The following EPHA6 variants were observed in gnomAD, a reference collection of about 807,000 sequenced individuals.
The protein encoded by EPHA6 is EPH receptor A6, also known as ephrin type-A receptor 6.
In EPHA6, 50 loss-of-function variants were observed where a neutral mutation model predicts 112.0. The ratio of observed to expected loss-of-function variants is 0.45; its 90% CI spans 0.36 to 0.56. EPHA6 has a LOEUF of 0.56. Ranked by LOEUF, EPHA6 falls within the 20% of genes least tolerant of loss-of-function variation. The pLI, the probability that EPHA6 is intolerant of heterozygous loss-of-function variation, is 0.00. For synonymous variants in EPHA6, 529 were observed against 490.7 expected (o/e 1.08, Z -1.03); for missense variants, 1,280 against 1,417.4 (o/e 0.90, Z 1.56).
At chr3:97,270,673 A>T (rs191693250) in intron 5 of EPHA6, among the ~76,000 whole-genome samples, 3 of 152,374 alleles carry the variant, frequency 2.0e-5, no homozygotes, top group Admixed American at 2.0e-4. Flanking sequence ...AAGTGCATCA[A>T]GACTGACTGC....
chr3:97,519,165 C>CT (rs2092496534), intron 10 of EPHA6, among the ~76,000 whole-genome samples: 1 of 152,012 alleles, frequency 6.6e-6, no homozygotes, highest in Non-Finnish European at 1.5e-5. Context: ...CTAGAGTTGA[C>CT]TTTTGTATAT....
rs186740912 is a variant in EPHA6, at chr3:97,548,517, C to A, written c.2386+15974C>A. 3.3e-3 allele frequency among the ~76,000 whole-genome samples: 495 copies of A among 152,114 alleles called. 2 individuals carry two copies. Among genetic ancestry groups the A allele is most frequent in the African/African-American group, 0.011 (461 of 41,492 alleles). ...AATTTTATCATCCATCCATAATTTT[C>A]TTTTGTATTTGAATGTTGATTTTCC... On this transcript the variant is annotated intron_variant, in intron 11 of 17. Transcript: ENST00000389672.
At chr3:96,912,545 A>G (rs1309921238) in intron 2 of EPHA6, among the ~76,000 whole-genome samples, 2 of 152,116 alleles carry the variant, frequency 1.3e-5, no homozygotes, top group African/African-American at 4.8e-5. Context: ...GACCTAAAGG[A>G]AAGGTAGGAT....
At chr3:96,931,162 C>T (rs909229796) in intron 2 of EPHA6, among the ~76,000 whole-genome samples, 19 of 152,100 alleles carry the variant, frequency 1.2e-4, no homozygotes, top group African/African-American at 4.6e-4. Context: ...GCCTGCCCCA[C>T]CTCCCAGCCA....
At chr3:97,232,701 G>T (rs149222509) in intron 4 of EPHA6, among the ~76,000 whole-genome samples, 114 of 152,296 alleles carry the variant, frequency 7.5e-4, no homozygotes, top group African/African-American at 2.6e-3. Flanking sequence ...AGGAACAAAA[G>T]AAAGTACACT....
intron 14 of EPHA6, among the ~76,000 whole-genome samples, chr3:97,650,284 G>C (rs1321792939): frequency 1.3e-5 from 2 of 151,984 alleles, no homozygotes; most frequent in African/African-American, 2.4e-5. Flanking sequence ...GTTTCAGAAG[G>C]GCATGAAACT....
At chr3:97,577,962 T>C (rs1412159173) in intron 11 of EPHA6, among the ~76,000 whole-genome samples, 1 of 151,908 alleles carries the variant, frequency 6.6e-6, no homozygotes, top group African/African-American at 2.4e-5. Flanking sequence ...GGCATCTGGG[T>C]TGGTGGATAG....
intron 1 of EPHA6, among the ~76,000 whole-genome samples, chr3:96,840,682 C>T (rs16836344): frequency 0.01 from 1,580 of 152,168 alleles, 26 homozygotes; most frequent in African/African-American, 0.036. Flanking sequence ...GGCAAGAACA[C>T]TGCCAATTCA....
intron 10 of EPHA6, among the ~76,000 whole-genome samples, chr3:97,523,600 A>G (rs746117879): frequency 2.0e-5 from 3 of 152,000 alleles, no homozygotes; most frequent in Admixed American, 6.6e-5. Flanking sequence ...TGAATGAACT[A>G]TCCATCGTTG....
chr3:97,637,442 C>T lies in EPHA6; in HGVS notation c.2575-431C>T, dbSNP rs143490661. 7.8e-4 allele frequency among the ~76,000 whole-genome samples: 118 copies of T among 152,126 alleles called. 1 individual carries two copies. The highest frequency in any genetic ancestry group is 2.5e-3 in the African/African-American group (103 of 41,494). On this transcript the variant is annotated intron_variant, in intron 13 of 17. Coordinates refer to ENST00000389672, the MANE Select transcript of EPHA6 (RefSeq NM_001080448.3). ...TTTCACAGTATCTCCAGTTATCACA[C>T]GGGTTTTATCCAGTCCTAGGTTTTG...
At chr3:97,625,921 C>G (rs925316206) in intron 13 of EPHA6, among the ~76,000 whole-genome samples, 25 of 151,580 alleles carry the variant, frequency 1.6e-4, no homozygotes, top group African/African-American at 5.6e-4. Context: ...TGTTGGGAAT[C>G]TAGATAGCTT....
intron 3 of EPHA6, among the ~76,000 whole-genome samples, chr3:97,026,612 C>G (rs976305423): frequency 4.0e-5 from 6 of 151,380 alleles, no homozygotes; most frequent in Non-Finnish European, 8.8e-5. Context: ...AAGACAACCC[C>G]ATAAAAAATT....
At chr3:97,110,085 T>G (rs758677801) in intron 3 of EPHA6, among the ~76,000 whole-genome samples, 1 of 152,166 alleles carries the variant, frequency 6.6e-6, no homozygotes, top group Non-Finnish European at 1.5e-5. Flanking sequence ...AAATTAACTT[T>G]TCAAAAAAAT....
chr3:97,215,610 CAAAAAAAA>C (rs11340632), intron 3 of EPHA6, among the ~76,000 whole-genome samples: 1 of 122,136 alleles, frequency 8.2e-6, no homozygotes, highest in Non-Finnish European at 1.9e-5. Context: ...AACTTTGTCT[CAAAAAAAA>C]AAAAAAATAG....
chr3:97,431,095 C>T (rs2089473146), intron 6 of EPHA6, among the ~76,000 whole-genome samples: 1 of 151,856 alleles, frequency 6.6e-6, no homozygotes, highest in Non-Finnish European at 1.5e-5. Flanking sequence ...AGTTGGTTTT[C>T]AATAATGGTT....
chr3:97,602,249 T>C (rs886692522), intron 12 of EPHA6, among the ~76,000 whole-genome samples: 2 of 152,000 alleles, frequency 1.3e-5, no homozygotes. Flanking sequence ...TAAACTGATG[T>C]TTGAGAAAGC....
At chr3:97,468,697 C>T (rs1335984210) in intron 7 of EPHA6, among the ~76,000 whole-genome samples, 4 of 151,658 alleles carry the variant, frequency 2.6e-5, no homozygotes, top group Admixed American at 6.6e-5. Context: ...AAAATTACAA[C>T]GTGTTTAAGC....
intron 3 of EPHA6, among the ~76,000 whole-genome samples, chr3:97,091,950 G>C (rs911322413): frequency 6.6e-6 from 1 of 151,828 alleles, no homozygotes; most frequent in Admixed American, 6.6e-5. Context: ...TGGTGGAGGG[G>C]TTGGCGTTGT....
intron 2 of EPHA6, among the ~76,000 whole-genome samples, chr3:96,940,770 A>G (rs1278365001): frequency 1.3e-5 from 2 of 152,052 alleles, no homozygotes; most frequent in South Asian, 2.1e-4. Context: ...TGCTTCCTTC[A>G]GGAGCTCTTT....
Sources: gnomAD v4.1 joint callset for allele counts (sites outside exome capture counted in the v4.1 genomes callset) on GRCh38, gnomAD v4.1.1 for gene constraint, MANE v1.5 for transcripts, NCBI Gene and HGNC (gene_info 2026-07-23, HGNC 2026-07-21) for gene names.